Variants in PCBP3 observed in about 807,000 individuals in gnomAD.
The protein encoded by PCBP3 is poly(rC)-binding protein 3.
Under a neutral mutation model 52.7 loss-of-function variants are expected in PCBP3, and 25 were observed. The observed-to-expected ratio is 0.47, with a 90% CI of 0.35 to 0.66. The LOEUF (loss-of-function observed/expected upper bound fraction) is 0.66. Among genes scored for constraint, PCBP3 ranks in the 30% least tolerant of loss-of-function variants. The probability of loss-of-function intolerance (pLI) is 0.01; values close to 1 mark genes in which losing one functional copy is unlikely to be tolerated. For synonymous variants in PCBP3, 162 were observed against 183.0 expected (o/e 0.89, Z 0.93); for missense variants, 391 against 490.3 (o/e 0.80, Z 1.91).
At chr21:45,901,620 G>A (rs531324987) in intron 9 of PCBP3, 204 of 154,146 alleles carry the variant, frequency 1.3e-3, no homozygotes, top group Middle Eastern at 6.3e-3. Flanking sequence ...GAGGCCATCC[G>A]TGATAGTGGA....
In PCBP3 at chr21:45,859,276, G is replaced by A. The variant is rs570182022; in HGVS notation, c.10+9181G>A. ...AGCCAGGAGGGGCCGTGCTGCAGAG[G>A]TGGCCAGCGGGTCAGCCGGGCCGGG... On this transcript the variant is annotated intron_variant, in intron 5 of 17. Transcript: ENST00000681687. Among the ~76,000 whole-genome samples the A allele has an allele frequency of 5.0e-5, 3 of 60,348 alleles. No individual in the cohort carries two copies. The South Asian group carries it at 2.1e-3, about 42-fold the overall frequency. 39.6% of individuals were successfully genotyped at this position (60,348 alleles called of 152,430 possible). A position where few individuals can be genotyped will look rare whatever the true frequency, so the allele number is the denominator to read the frequency against.
intron 2 of PCBP3, among the ~76,000 whole-genome samples, chr21:45,701,842 G>A (rs1196879113): frequency 6.6e-6 from 1 of 152,190 alleles, no homozygotes; most frequent in Non-Finnish European, 1.5e-5. Context: ...TTACAGGCAT[G>A]AGCCACCTCA....
intron 4 of PCBP3, among the ~76,000 whole-genome samples, chr21:45,806,584 A>G (rs1277983057): frequency 6.6e-6 from 1 of 152,002 alleles, no homozygotes; most frequent in Non-Finnish European, 1.5e-5. Context: ...TGCAAATTAC[A>G]GAGTACTTTT....
chr21:45,798,319 GTAC>G (rs2092109597), intron 4 of PCBP3, among the ~76,000 whole-genome samples: 1 of 44,382 alleles, frequency 2.3e-5, no homozygotes, highest in African/African-American at 8.0e-5. Context: ...GAATGTATGC[GTAC>G]ATGGATGAAT....
At chr21:45,913,024 C>T (rs1443732005) in intron 11 of PCBP3, among the ~76,000 whole-genome samples, 1 of 152,172 alleles carries the variant, frequency 6.6e-6, no homozygotes, top group Non-Finnish European at 1.5e-5. Context: ...AGGCTGCCCC[C>T]TGCCAGGAAC....
intron 4 of PCBP3, among the ~76,000 whole-genome samples, chr21:45,838,470 A>T (rs2093636104): frequency 6.6e-6 from 1 of 152,188 alleles, no homozygotes; most frequent in Non-Finnish European, 1.5e-5. Flanking sequence ...AGGAGTGCTT[A>T]TTGCAATTGG....
intron 2 of PCBP3, among the ~76,000 whole-genome samples, chr21:45,716,199 C>T (rs2084208702): frequency 1.3e-5 from 2 of 151,792 alleles, no homozygotes; most frequent in Non-Finnish European, 2.9e-5. Context: ...TTCAATTGTC[C>T]CAGCACACTG....
chr21:45,914,405 C>G, intron 12 of PCBP3: 1 of 436,432 alleles, frequency 2.3e-6, no homozygotes, highest in Non-Finnish European at 4.0e-6. Context: ...GTCTTGTTTC[C>G]ACTGACATCC....
intron 2 of PCBP3, among the ~76,000 whole-genome samples, chr21:45,709,884 T>C (rs2083713379): frequency 6.6e-6 from 1 of 152,228 alleles, no homozygotes; most frequent in East Asian, 1.9e-4. Flanking sequence ...TCCTTGTTTT[T>C]GATGACTTTG....
chr21:45,655,320 G>C (rs529252240), intron 1 of PCBP3, among the ~76,000 whole-genome samples: 3 of 151,838 alleles, frequency 2.0e-5, no homozygotes, highest in African/African-American at 7.2e-5. Context: ...GAAACAATTT[G>C]GCAATGTAAA....
intron 1 of PCBP3, among the ~76,000 whole-genome samples, chr21:45,662,811 G>A (rs541023984): frequency 5.3e-5 from 8 of 152,194 alleles, no homozygotes; most frequent in East Asian, 1.9e-4. Flanking sequence ...TTGGTCTAGC[G>A]GTAATGCCAG....
At chr21:45,746,146 C>T (rs1326656640) in intron 3 of PCBP3, among the ~76,000 whole-genome samples, 13 of 141,582 alleles carry the variant, frequency 9.2e-5, no homozygotes, top group Admixed American at 8.3e-4. Flanking sequence ...GTGTCAGCAT[C>T]GCTGTCAGTC....
chr21:45,839,614 T>C (rs1455039104), intron 4 of PCBP3, among the ~76,000 whole-genome samples: 1 of 152,238 alleles, frequency 6.6e-6, no homozygotes, highest in Non-Finnish European at 1.5e-5. Flanking sequence ...ATCTTAAATA[T>C]GTTGCTTTAC....
chr21:45,713,663 A>G (rs559586531), intron 2 of PCBP3, among the ~76,000 whole-genome samples: 3 of 152,192 alleles, frequency 2.0e-5, no homozygotes, highest in Non-Finnish European at 2.9e-5. Flanking sequence ...CGCTACTTGC[A>G]TGGTGCACGA....
At chr21:45,931,531 A>T (rs1033940177) in intron 15 of PCBP3, among the ~76,000 whole-genome samples, 1 of 152,254 alleles carries the variant, frequency 6.6e-6, no homozygotes, top group African/African-American at 2.4e-5. Flanking sequence ...TGCTGCGGCC[A>T]GGAGACTTCC....
intron 2 of PCBP3, among the ~76,000 whole-genome samples, chr21:45,721,744 A>C (rs2084657293): frequency 6.6e-6 from 1 of 152,338 alleles, no homozygotes; most frequent in South Asian, 2.1e-4. Context: ...CGAATTTCAC[A>C]GAGGTCCATA....
chr21:45,784,465 T>C (rs1374801565), intron 4 of PCBP3, among the ~76,000 whole-genome samples: 1 of 144,906 alleles, frequency 6.9e-6, no homozygotes, highest in East Asian at 2.1e-4. Flanking sequence ...TCCTACCTCC[T>C]ACCTCCTACC....
At chr21:45,683,884 C>T (rs1054021675) in intron 2 of PCBP3, among the ~76,000 whole-genome samples, 2 of 151,622 alleles carry the variant, frequency 1.3e-5, no homozygotes, top group African/African-American at 4.9e-5. Flanking sequence ...CGAGATCGTG[C>T]CACTGCACTC....
At chr21:45,690,158 CAG>C (rs1449174077) in intron 2 of PCBP3, among the ~76,000 whole-genome samples, 6 of 152,216 alleles carry the variant, frequency 3.9e-5, no homozygotes, top group African/African-American at 1.2e-4. Context: ...GAACAGAACA[CAG>C]AGTCTAAAAA....
Sources: gnomAD v4.1 joint callset for allele counts (sites outside exome capture counted in the v4.1 genomes callset) on GRCh38, gnomAD v4.1.1 for gene constraint, MANE v1.5 for transcripts, NCBI Gene and HGNC (gene_info 2026-07-23, HGNC 2026-07-21) for gene names.